The following TOPAZ1 variants were observed in gnomAD, a reference collection of about 807,000 sequenced individuals.
TOPAZ1 encodes the protein protein TOPAZ1.
A neutral mutation model predicts 172.2 loss-of-function variants in TOPAZ1; 66 were observed. The observed-to-expected ratio is 0.38, with a 90% CI of 0.31 to 0.47. TOPAZ1 has a LOEUF of 0.47. TOPAZ1 is among the 20% of genes least tolerant of loss of function. The pLI is 0.99. For synonymous variants in TOPAZ1, 681 were observed against 683.9 expected (o/e 1.00, Z 0.07); for missense variants, 1,822 against 1,972.4 (o/e 0.92, Z 1.44).
chr3:44,258,638 C>T (rs947160347), intron 4 of TOPAZ1, among the ~76,000 whole-genome samples: 1 of 151,744 alleles, frequency 6.6e-6, no homozygotes, highest in African/African-American at 2.4e-5. Context: ...TTGCATATAT[C>T]GGTAGTTCAT....
intron 3 of TOPAZ1, among the ~76,000 whole-genome samples, chr3:44,255,663 ATAT>A (rs1315987195): frequency 2.2e-4 from 13 of 59,912 alleles, no homozygotes; most frequent in African/African-American, 1.0e-3. Context: ...AAAAAAAAAA[ATAT>A]ATATACACAC....
At chr3:44,312,702 A>C (rs1700409430) in intron 16 of TOPAZ1, among the ~76,000 whole-genome samples, 2 of 152,244 alleles carry the variant, frequency 1.3e-5, no homozygotes, top group Non-Finnish European at 2.9e-5. Flanking sequence ...AACATAAAAA[A>C]GTCTTGAAAT....
At chr3:44,310,456 G>T (rs1216571810) in intron 16 of TOPAZ1, among the ~76,000 whole-genome samples, 1 of 151,992 alleles carries the variant, frequency 6.6e-6, no homozygotes, top group Non-Finnish European at 1.5e-5. Context: ...CCGAGATCGC[G>T]CAATTGCAGT....
In TOPAZ1 at chr3:44,241,895, TAC is replaced by T. The variant is rs1185666832; in HGVS notation, c.-158_-157del. The T allele has an allele frequency of 4.3e-6, 3 of 700,026 alleles. No homozygotes were observed. Among genetic ancestry groups the T allele is most frequent in the Non-Finnish European group, 6.8e-6 (3 of 441,092 alleles). 43.4% of individuals were successfully genotyped at this position (700,026 alleles called of 1,614,324 possible). ...CCAGACACGAGGCCCCACTTCCGCTTACGCGCCCCACTTCCGCTTCCGGCCCC... is the reference window on the plus strand; with the variant it reads ...CCAGACACGAGGCCCCACTTCCGCTTGCGCCCCACTTCCGCTTCCGGCCCC... On this transcript the variant is annotated 5_prime_UTR_variant, in exon 1 of 20. Coordinates refer to ENST00000309765, the MANE Select transcript of TOPAZ1 (RefSeq NM_001145030.2).
intron 12 of TOPAZ1, among the ~76,000 whole-genome samples, chr3:44,298,364 G>A (rs1700223057): frequency 6.6e-6 from 1 of 152,094 alleles, no homozygotes; most frequent in African/African-American, 2.4e-5. Flanking sequence ...TTGTAGCTGT[G>A]GGAGGATCAC....
In TOPAZ1 at chr3:44,269,369, C is replaced by T. The variant is rs184146963; in HGVS notation, c.3246+68C>T. ...CTCCCCCTCCTCCTCCTTCTCCTCCCTCCTCTTCCTCACTTTCCTCCACTC... is the reference window on the plus strand; with the variant it reads ...CTCCCCCTCCTCCTCCTTCTCCTCCTTCCTCTTCCTCACTTTCCTCCACTC... On this transcript the variant is annotated intron_variant, in intron 7 of 19. Transcript: ENST00000309765. The T allele has an allele frequency of 1.2e-5, 11 of 880,416 alleles. No homozygotes were observed. In the African/African-American group the frequency reaches 1.9e-4, roughly 15 times the overall value. 54.5% of individuals were successfully genotyped at this position (880,416 alleles called of 1,614,324 possible). A position where few individuals can be genotyped will look rare whatever the true frequency, so the allele number is the denominator to read the frequency against.
chr3:44,331,129 T>C (rs1223793120), intron 19 of TOPAZ1, among the ~76,000 whole-genome samples: 1 of 152,246 alleles, frequency 6.6e-6, no homozygotes, highest in Non-Finnish European at 1.5e-5. Context: ...TTATTCACTT[T>C]CAAAATACAA....
At chr3:44,298,112 C>T (rs1387196113) in intron 12 of TOPAZ1, among the ~76,000 whole-genome samples, 4 of 152,058 alleles carry the variant, frequency 2.6e-5, no homozygotes, top group East Asian at 1.9e-4. Flanking sequence ...GGTATAAAAA[C>T]GTATATTCTA....
At chr3:44,266,598 G>A (rs532366851) in intron 5 of TOPAZ1, among the ~76,000 whole-genome samples, 5 of 152,260 alleles carry the variant, frequency 3.3e-5, no homozygotes, top group African/African-American at 1.2e-4. Context: ...GGAGAGAGAT[G>A]GGGGAACAGC....
At chr3:44,312,866 G>A (rs1362817827) in intron 16 of TOPAZ1, among the ~76,000 whole-genome samples, 1 of 152,114 alleles carries the variant, frequency 6.6e-6, no homozygotes, top group African/African-American at 2.4e-5. Context: ...CTTTGTATAA[G>A]TAATACATAT....
intron 5 of TOPAZ1, among the ~76,000 whole-genome samples, chr3:44,264,455 A>G (rs1320312084): frequency 1.3e-5 from 2 of 152,198 alleles, no homozygotes; most frequent in African/African-American, 4.8e-5. Flanking sequence ...AAAATACTTT[A>G]TTGCCAAAAA....
chr3:44,327,313 C>T (rs1024151597), intron 18 of TOPAZ1, among the ~76,000 whole-genome samples: 1 of 152,190 alleles, frequency 6.6e-6, no homozygotes, highest in African/African-American at 2.4e-5. Flanking sequence ...GCAAAATTTA[C>T]ATACATATTT....
chr3:44,254,929 A>G (rs1207302123), intron 2 of TOPAZ1, 39 bp from the exon 3 acceptor site: 5 of 1,433,956 alleles, frequency 3.5e-6, no homozygotes, highest in Non-Finnish European at 4.8e-6. Flanking sequence ...TCTGCTTAGA[A>G]TCTATTATAA....
At chr3:44,335,275 C>T (rs62253867), downstream of TOPAZ1, among the ~76,000 whole-genome samples, 3,213 of 152,176 alleles carry the variant, frequency 0.021, 51 homozygotes, top group Non-Finnish European at 0.033. Context: ...CTAAGGGCCA[C>T]CGCTGCTAAG....
In TOPAZ1 at chr3:44,297,883, A is replaced by G. The variant is rs575937360; in HGVS notation, c.3798-6132A>G. Among the ~76,000 whole-genome samples the G allele has an allele frequency of 2.6e-5, 4 of 152,356 alleles. 1 individual carries two copies. The South Asian group carries it at 8.3e-4, about 32-fold the overall frequency. ...CAGCATTTAAAACAATATAATTTAC[A>G]ATGGCTAAAAACAAAAATTAGTAAA... is the stretch of plus-strand genomic sequence containing the variant. On this transcript the variant is annotated intron_variant, in intron 12 of 19. Coordinates refer to ENST00000309765, the MANE Select transcript of TOPAZ1 (RefSeq NM_001145030.2).
chr3:44,321,743 A>G (rs1319694267), intron 17 of TOPAZ1, among the ~76,000 whole-genome samples: 1 of 152,186 alleles, frequency 6.6e-6, no homozygotes, highest in Non-Finnish European at 1.5e-5. Flanking sequence ...CTTTCATCGT[A>G]CTATCTATAA....
intron 16 of TOPAZ1, 120 bp downstream of exon 16, chr3:44,310,110 A>T: frequency 1.2e-6 from 1 of 843,928 alleles, no homozygotes; most frequent in Non-Finnish European, 1.8e-6. Context: ...AACCCTAGTG[A>T]ACATGTGGGT....
intron 5 of TOPAZ1, among the ~76,000 whole-genome samples, chr3:44,264,716 A>G (rs1699810728): frequency 6.6e-6 from 1 of 152,352 alleles, no homozygotes. Flanking sequence ...ATCAGACTCA[A>G]TCCTCTCAAA....
At chr3:44,264,237 T>G (rs553985773) in intron 5 of TOPAZ1, among the ~76,000 whole-genome samples, 1 of 152,186 alleles carries the variant, frequency 6.6e-6, no homozygotes, top group African/African-American at 2.4e-5. Context: ...GAACAACCTA[T>G]TGGAGATGCT....
Sources: allele counts gnomAD v4.1 joint callset (sites outside exome capture counted in the v4.1 genomes callset), GRCh38; gene constraint gnomAD v4.1.1; transcripts MANE v1.5; gene names NCBI Gene and HGNC (gene_info 2026-07-23, HGNC 2026-07-21).